MRPS35: variants seen among roughly 807,000 people sequenced by gnomAD.
MRPS35 encodes the protein small ribosomal subunit protein mS35.
MRPS35 carries 29 observed loss-of-function variants against 32.7 expected under a neutral mutation model. That is an observed-to-expected ratio of 0.89 (90% CI 0.66 to 1.21). MRPS35 has a LOEUF of 1.21. MRPS35 is among the 50% of genes most tolerant of loss of function. The pLI, the probability that MRPS35 is intolerant of heterozygous loss-of-function variation, is 0.00. For missense variants in MRPS35, 373 were observed against 383.8 expected (o/e 0.97, Z 0.23); for synonymous variants, 148 against 139.3 (o/e 1.06, Z -0.44).
chr12:27,747,575 G>A (rs1173979596), intron 7 of MRPS35, among the ~76,000 whole-genome samples: 1 of 152,038 alleles, frequency 6.6e-6, no homozygotes, highest in African/African-American at 2.4e-5. Context: ...AATTGCTTGG[G>A]ATTTTAAAAA....
intron 4 of MRPS35, among the ~76,000 whole-genome samples, chr12:27,722,425 A>T (rs1318532765): frequency 1.3e-5 from 2 of 152,146 alleles, no homozygotes; most frequent in African/African-American, 4.8e-5. Flanking sequence ...TGTGTTTTCC[A>T]TTTGGCTGTC....
chr12:27,739,793 T>G (rs1393297383), intron 7 of MRPS35, among the ~76,000 whole-genome samples: 1 of 152,236 alleles, frequency 6.6e-6, no homozygotes, highest in Non-Finnish European at 1.5e-5. Flanking sequence ...TCTATTAGAA[T>G]GAATTTGCCC....
At chr12:27,719,130 C>T (rs966817958) in intron 3 of MRPS35, among the ~76,000 whole-genome samples, 2 of 152,058 alleles carry the variant, frequency 1.3e-5, no homozygotes, top group African/African-American at 2.4e-5. Context: ...TGCTTAAGTC[C>T]TTTCAGTTTT....
In MRPS35 at chr12:27,719,818, T is replaced by A; in HGVS notation, c.332T>A (p.Phe111Tyr). Reference sequence around the variant, plus strand: ...ATTTCTCTATTTAAGATTCCCAATTTTCTGCATTTGACTCCTGTAGCAATT... The same window carrying A: ...ATTTCTCTATTTAAGATTCCCAATTATCTGCATTTGACTCCTGTAGCAATT... Reference protein sequence around the residue: ...GNLELLKIPNFLHLTPVAIKK... With the variant: ...GNLELLKIPNYLHLTPVAIKK... The change falls in exon 4 of 8, where the codon TTT becomes TAT. Residue 111 changes from phenylalanine to tyrosine, a missense_variant. Coordinates refer to ENST00000081029, the MANE Select transcript of MRPS35 (RefSeq NM_021821.4). The A allele has an allele frequency of 6.2e-7, 1 of 1,603,150 alleles. No individual in the cohort carries two copies. The highest frequency in any genetic ancestry group is 8.5e-7 in the Non-Finnish European group (1 of 1,171,616).
At chr12:27,734,623 C>T (rs1323271325) in intron 5 of MRPS35, among the ~76,000 whole-genome samples, 1 of 152,126 alleles carries the variant, frequency 6.6e-6, no homozygotes, top group South Asian at 2.1e-4. Flanking sequence ...AAATTGTGTT[C>T]ATTTGTTCTA....
intron 7 of MRPS35, among the ~76,000 whole-genome samples, chr12:27,753,362 C>T (rs1300705336): frequency 2.0e-5 from 3 of 149,428 alleles, no homozygotes; most frequent in African/African-American, 7.3e-5. Context: ...TCGGTGTTGT[C>T]CCCAGTGGCC....
chr12:27,715,301 A>C (rs2061844980), intron 2 of MRPS35, among the ~76,000 whole-genome samples: 1 of 151,966 alleles, frequency 6.6e-6, no homozygotes, highest in Non-Finnish European at 1.5e-5. Flanking sequence ...ATGCCTGGCT[A>C]ATTTTTTGTG....
At chr12:27,745,076 C>A (rs375246809) in intron 7 of MRPS35, among the ~76,000 whole-genome samples, 156 of 152,306 alleles carry the variant, frequency 1.0e-3, no homozygotes, top group African/African-American at 3.5e-3. Flanking sequence ...CCGCCTCAGC[C>A]TCCCAAGTAG....
At chr12:27,722,092 G>A (rs1376114893) in intron 4 of MRPS35, among the ~76,000 whole-genome samples, 4 of 152,130 alleles carry the variant, frequency 2.6e-5, no homozygotes, top group African/African-American at 9.7e-5. Context: ...CGGAAGAGTG[G>A]CATTATATTT....
At chr12:27,732,647 A>G (rs2061925965) in intron 5 of MRPS35, among the ~76,000 whole-genome samples, 1 of 152,206 alleles carries the variant, frequency 6.6e-6, no homozygotes, top group South Asian at 2.1e-4. Context: ...CAAATGTTTT[A>G]ATGCACAGAA....
chr12:27,741,953 GA>G (rs1174943451), intron 7 of MRPS35, among the ~76,000 whole-genome samples: 1 of 152,124 alleles, frequency 6.6e-6, no homozygotes, highest in Admixed American at 6.5e-5. Context: ...AAATGGTTCT[GA>G]AAAGTCATGT....
At position 27,716,394 on chromosome 12, in the gene MRPS35, G is replaced by A. The variant is rs1341735863; in HGVS notation, c.257G>A (p.Arg86Gln). Reference sequence around the variant, plus strand: ...CCCTCTGCAGTACCTCTTCCTGTTCGAATGGGTTATCCAGTAAAAAAGGGC... The same window carrying A: ...CCCTCTGCAGTACCTCTTCCTGTTCAAATGGGTTATCCAGTAAAAAAGGGC... ...FKPSAVPLPVRMGYPVKKGVP... is the reference protein window; with the variant it reads ...FKPSAVPLPVQMGYPVKKGVP... The change falls in exon 3 of 8, where the codon CGA becomes CAA. Residue 86 changes from arginine to glutamine, a missense_variant. Arg to Gln is a conservative substitution (Grantham distance 43). Transcript: ENST00000081029. The A allele has an allele frequency of 5.0e-6, 8 of 1,614,066 alleles. No individual in the cohort carries two copies. Among genetic ancestry groups the A allele is most frequent in the Non-Finnish European group, 5.1e-6 (6 of 1,180,030 alleles).
intron 1 of MRPS35, among the ~76,000 whole-genome samples, chr12:27,713,336 A>C (rs2061835742): frequency 6.6e-6 from 1 of 152,174 alleles, no homozygotes; most frequent in African/African-American, 2.4e-5. Flanking sequence ...AGATATATAG[A>C]CATATGATGG....
Position 27,724,866 on chromosome 12 carries a change from A to G in MRPS35, c.522+680A>G, listed in dbSNP as rs376467024. ...GTGTATATTAATGGGATGATACTGT[A>G]TGTGTTCAGCAGTCTCTTAACAAGA... On this transcript the variant is annotated intron_variant, in intron 5 of 7. Transcript: ENST00000081029. Among the ~76,000 whole-genome samples, 9 of 152,178 alleles carry G rather than the reference A, an allele frequency of 5.9e-5. No individual in the cohort carries two copies. The South Asian group carries it at 1.4e-3, about 25-fold the overall frequency.
intron 7 of MRPS35, among the ~76,000 whole-genome samples, chr12:27,744,683 CAACT>C (rs2061976157): frequency 6.6e-6 from 1 of 152,168 alleles, no homozygotes; most frequent in Admixed American, 6.5e-5. Flanking sequence ...GTTTGTTAAA[CAACT>C]AACTACACAC....
rs145435105 is a variant in MRPS35, at chr12:27,710,927, G to A, written c.84G>A (p.Ser28=). The A allele has an allele frequency of 6.8e-6, 11 of 1,613,246 alleles. No individual in the cohort carries two copies. The highest frequency in any genetic ancestry group is 6.7e-5 in the East Asian group (3 of 44,876). The part of the protein sequence containing the change: ...TLRAFSTAVY[S]ATPVPTPSLP... ...GTGCATTCTCCACTGCCGTCTACTC[G>A]GCCACTCCGGTCCCGACACCTAGCC... The change falls in exon 1 of 8, where the codon TCG becomes TCA. Residue 28 remains serine (S), a synonymous_variant. Coordinates refer to ENST00000081029, the MANE Select transcript of MRPS35 (RefSeq NM_021821.4).
intron 2 of MRPS35, among the ~76,000 whole-genome samples, chr12:27,715,506 T>G (rs1306380735): frequency 6.6e-6 from 1 of 152,216 alleles, no homozygotes; most frequent in Non-Finnish European, 1.5e-5. Context: ...CTGTGGACAT[T>G]TGGATTCCTT....
At chr12:27,736,649 A>G (rs868692549) in intron 6 of MRPS35, among the ~76,000 whole-genome samples, 156 of 152,270 alleles carry the variant, frequency 1.0e-3, no homozygotes, top group African/African-American at 3.5e-3. Flanking sequence ...TTTGATATTT[A>G]AAGAAATTGG....
intron 7 of MRPS35, among the ~76,000 whole-genome samples, chr12:27,751,444 T>TC (rs1198375953): frequency 6.6e-6 from 1 of 152,172 alleles, no homozygotes; most frequent in African/African-American, 2.4e-5. Flanking sequence ...ATAGTTTTAT[T>TC]CAGCAGCAGC....
Sources: allele counts gnomAD v4.1 joint callset (sites outside exome capture counted in the v4.1 genomes callset), GRCh38; gene constraint gnomAD v4.1.1; transcripts MANE v1.5; gene names NCBI Gene and HGNC (gene_info 2026-07-23, HGNC 2026-07-21).